The following RBPMS2 variants were observed in gnomAD, a reference collection of about 807,000 sequenced individuals.
RBPMS2 encodes the protein RNA binding protein, mRNA processing factor 2.
RBPMS2 carries 14 observed loss-of-function variants against 25.7 expected under a neutral mutation model. The ratio of observed to expected loss-of-function variants is 0.55; its 90% confidence interval spans 0.36 to 0.85. The LOEUF (loss-of-function observed/expected upper bound fraction) is 0.85. RBPMS2 is among the 40% of genes least tolerant of loss of function. The probability of loss-of-function intolerance (pLI) is 0.01; values close to 1 mark genes in which losing one functional copy is unlikely to be tolerated. For synonymous variants in RBPMS2, 127 were observed against 115.6 expected (o/e 1.10, Z -0.63); for missense variants, 252 against 283.4 (o/e 0.89, Z 0.80).
chr15:64,775,285 C>T lies in RBPMS2; in HGVS notation c.35G>A (p.Gly12Asp). 7.4e-7 allele frequency: 1 copy of T among 1,354,268 alleles called. No individual in the cohort carries two copies. The highest frequency in any genetic ancestry group is 9.6e-7 in the Non-Finnish European group (1 of 1,046,336). The allele number at this position is 1,354,268 out of a possible 1,614,324, so 83.9% of individuals were successfully genotyped here. A position where few individuals can be genotyped will look rare whatever the true frequency, so the allele number is the denominator to read the frequency against. Reference sequence around the variant, plus strand: ...CGCGCCGGAGCCGGTGCCGGTGCTGCCGCCGTGCTCGCCGTCCGGCTTCAG... The same window carrying T: ...CGCGCCGGAGCCGGTGCCGGTGCTGTCGCCGTGCTCGCCGTCCGGCTTCAG... ...SNLKPDGEHGGSTGTGSGAGS... is the reference protein window; with the variant it reads ...SNLKPDGEHGDSTGTGSGAGS... Residue 12 changes from glycine to aspartate, a missense_variant, in exon 1 of 8, where the codon GGC becomes GAC. By Grantham distance (94) the Gly-to-Asp change is moderately conservative (BLOSUM62 -1). Coordinates refer to ENST00000300069, the MANE Select transcript of RBPMS2 (RefSeq NM_194272.3).
chr15:64,746,297 C>A (rs561351887), intron 6 of RBPMS2, among the ~76,000 whole-genome samples: 1 of 152,220 alleles, frequency 6.6e-6, no homozygotes, highest in East Asian at 1.9e-4. Flanking sequence ...CCAAGGAAGG[C>A]CAGAAGGCAG....
intron 6 of RBPMS2, among the ~76,000 whole-genome samples, chr15:64,746,204 C>G (rs2083617047): frequency 2.0e-5 from 3 of 152,130 alleles, no homozygotes; most frequent in Non-Finnish European, 2.9e-5. Flanking sequence ...TAATGACTCC[C>G]TGGTCTAATC....
intron 1 of RBPMS2, among the ~76,000 whole-genome samples, chr15:64,766,544 T>A (rs1469659821): frequency 6.6e-6 from 1 of 150,850 alleles, no homozygotes; most frequent in Non-Finnish European, 1.5e-5. Flanking sequence ...TTTTTTTTTT[T>A]AAGATGGAGT....
chr15:64,762,483 C>T (rs1269346430), intron 1 of RBPMS2: 1 of 534,678 alleles, frequency 1.9e-6, no homozygotes, highest in Non-Finnish European at 3.8e-6. Flanking sequence ...TCAGAATTTG[C>T]TGCCATCATC....
chr15:64,753,244 T>C (rs186913048), intron 1 of RBPMS2, among the ~76,000 whole-genome samples: 2 of 152,336 alleles, frequency 1.3e-5, no homozygotes, highest in East Asian at 3.9e-4. Context: ...CTGCAGATTT[T>C]AGAAGTTCAC....
intron 6 of RBPMS2, among the ~76,000 whole-genome samples, chr15:64,745,649 A>G (rs1396192192): frequency 2.6e-5 from 4 of 152,322 alleles, no homozygotes; most frequent in African/African-American, 4.8e-5. Flanking sequence ...TTCTATGCTG[A>G]ACCCCACTGG....
At chr15:64,741,280 C>A in intron 6 of RBPMS2, 38 bp from the exon 7 acceptor site, 2 of 1,526,198 alleles carry the variant, frequency 1.3e-6, no homozygotes, top group East Asian at 2.4e-5. Flanking sequence ...AGCTGTGCAT[C>A]CCTTCCCTCA....
At position 64,744,917 on chromosome 15, in the gene RBPMS2, C is replaced by T. The variant is rs374540639; in HGVS notation, c.567+3502G>A. On this transcript the variant is annotated intron_variant, in intron 6 of 7. Transcript: ENST00000300069. ...GCAACCTCTGCCTCCTGGGTTCAAGCGATTCTCCTGCCTCAGCCTCCTGAG... is the reference window on the plus strand; with the variant it reads ...GCAACCTCTGCCTCCTGGGTTCAAGTGATTCTCCTGCCTCAGCCTCCTGAG... Among the ~76,000 whole-genome samples, 6 of 141,250 alleles carry T rather than the reference C, an allele frequency of 4.2e-5. No homozygotes were observed. The South Asian group carries it at 7.2e-4, about 17-fold the overall frequency. 92.7% of individuals were successfully genotyped at this position (141,250 alleles called of 152,430 possible). A position where few individuals can be genotyped will look rare whatever the true frequency, so the allele number is the denominator to read the frequency against.
rs539053246 is a variant in RBPMS2 at position 64,748,442 on chromosome 15, C to T, written c.544G>A (p.Ala182Thr). The change falls in exon 6 of 8, where the codon GCT (alanine) becomes ACT (threonine). Residue 182 changes from alanine (A) to threonine (T), a missense_variant. Coordinates refer to ENST00000300069, the MANE Select transcript of RBPMS2 (RefSeq NM_194272.3). ...AAFTYPTATAAAAALHAQVRW... is the reference protein window; with the variant it reads ...AAFTYPTATATAAALHAQVRW... ...ACCTGAGCGTGGAGGGCGGCGGCAG[C>T]GGCAGTGGCAGTTGGGTAGGTGAAC... 21 of 1,613,994 alleles carry T rather than the reference C, an allele frequency of 1.3e-5. No homozygotes were observed. In the South Asian group the frequency reaches 1.6e-4, roughly 13 times the overall value.
At chr15:64,753,991 T>TTA (rs2083708044) in intron 1 of RBPMS2, among the ~76,000 whole-genome samples, 1 of 152,118 alleles carries the variant, frequency 6.6e-6, no homozygotes, top group Non-Finnish European at 1.5e-5. Flanking sequence ...GGCTTGTTCT[T>TTA]TAAAGGCAGC....
chr15:64,767,859 G>T (rs1332958711), intron 1 of RBPMS2, among the ~76,000 whole-genome samples: 1 of 152,080 alleles, frequency 6.6e-6, no homozygotes, highest in Non-Finnish European at 1.5e-5. Context: ...GTAAGGACGG[G>T]GTTTAATCAT....
At chr15:64,772,536 CTCA>C (rs2083899625) in intron 1 of RBPMS2, among the ~76,000 whole-genome samples, 1 of 152,202 alleles carries the variant, frequency 6.6e-6, no homozygotes, top group African/African-American at 2.4e-5. Flanking sequence ...ATTCCAAACT[CTCA>C]TTATGGCTGC....
At chr15:64,758,111 C>G (rs1410340360) in intron 1 of RBPMS2, among the ~76,000 whole-genome samples, 2 of 152,204 alleles carry the variant, frequency 1.3e-5, no homozygotes, top group Non-Finnish European at 2.9e-5. Context: ...TACAAGAATT[C>G]AGCACATACA....
chr15:64,740,943 G>A lies in RBPMS2; in HGVS notation c.*65C>T, dbSNP rs544005838. 4 of 464,474 alleles carry A rather than the reference G, an allele frequency of 8.6e-6. No individual in the cohort carries two copies. The East Asian group carries it at 1.2e-4, about 14-fold the overall frequency. 28.8% of individuals were successfully genotyped at this position (464,474 alleles called of 1,614,324 possible). On this transcript the variant is annotated 3_prime_UTR_variant, in exon 8 of 8. Transcript: ENST00000300069. ...GGCCGCCCGGGGGCAGTGGGAACTC[G>A]GGGCGCCTGTCCCGGCACCACCACA...
intron 1 of RBPMS2, among the ~76,000 whole-genome samples, chr15:64,760,158 T>C (rs1384489937): frequency 2.0e-5 from 3 of 152,156 alleles, no homozygotes; most frequent in Non-Finnish European, 4.4e-5. Context: ...GAATAGGGAA[T>C]GGGCTCGTGG....
chr15:64,749,740 C>T (rs2083657696), intron 3 of RBPMS2, among the ~76,000 whole-genome samples: 1 of 152,168 alleles, frequency 6.6e-6, no homozygotes, highest in Non-Finnish European at 1.5e-5. Context: ...ATGATGCCAA[C>T]AGAGCTTAAT....
chr15:64,761,958 C>T (rs1332163839), intron 1 of RBPMS2, among the ~76,000 whole-genome samples: 1 of 152,004 alleles, frequency 6.6e-6, no homozygotes, highest in African/African-American at 2.4e-5. Context: ...GATCCATCCG[C>T]CTCAGCATCC....
intron 1 of RBPMS2, among the ~76,000 whole-genome samples, chr15:64,757,015 C>T (rs1447852028): frequency 2.1e-5 from 3 of 146,326 alleles, no homozygotes; most frequent in Non-Finnish European, 4.5e-5. Flanking sequence ...GTCTGTCTCC[C>T]AGGCTAGAGT....
At chr15:64,769,125 G>C (rs80203714) in intron 1 of RBPMS2, among the ~76,000 whole-genome samples, 5 of 86,320 alleles carry the variant, frequency 5.8e-5, no homozygotes, top group African/African-American at 9.6e-5. Context: ...AAAAAAAAAA[G>C]AATTTTAAAA....
Sources: gnomAD v4.1 joint callset for allele counts (sites outside exome capture counted in the v4.1 genomes callset) on GRCh38, gnomAD v4.1.1 for gene constraint, MANE v1.5 for transcripts, NCBI Gene and HGNC (gene_info 2026-07-23, HGNC 2026-07-21) for gene names.